Variants in STK32C observed in about 807,000 individuals in gnomAD.
STK32C encodes serine/threonine kinase 32C, also known as serine/threonine-protein kinase 32C.
In STK32C, 31 loss-of-function variants were observed where a neutral mutation model predicts 56.5. That is an observed-to-expected ratio of 0.55 (90% CI 0.41 to 0.74). The LOEUF is 0.74. Among genes scored for constraint, STK32C ranks in the 30% least tolerant of loss-of-function variants. STK32C has a pLI of 0.00. For missense variants in STK32C, 544 were observed against 676.9 expected, an observed-to-expected ratio of 0.80 and a Z score of 2.18; for synonymous variants, 309 against 289.4, an observed-to-expected ratio of 1.07 and a Z score of -0.69.
At chr10:132,319,618 A>T (rs1029831364), downstream of STK32C, among the ~76,000 whole-genome samples, 26 of 152,294 alleles carry the variant, frequency 1.7e-4, no homozygotes, top group Non-Finnish European at 2.8e-4. Flanking sequence ...TGTGCACCCC[A>T]TTGTCCAGGC....
chr10:132,271,495 C>T (rs909097740), intron 1 of STK32C, among the ~76,000 whole-genome samples: 1 of 152,184 alleles, frequency 6.6e-6, no homozygotes, highest in East Asian at 1.9e-4. Context: ...GCTGGCCCCA[C>T]ACCTGGCCTC....
intron 1 of STK32C, among the ~76,000 whole-genome samples, chr10:132,297,635 A>G (rs1054426333): frequency 1.3e-5 from 2 of 152,252 alleles, no homozygotes; most frequent in East Asian, 1.9e-4. Flanking sequence ...TCAGACACAC[A>G]AGATGACTGA....
At chr10:132,230,468 C>T (rs982532395) in intron 2 of STK32C, among the ~76,000 whole-genome samples, 3 of 152,234 alleles carry the variant, frequency 2.0e-5, no homozygotes, top group East Asian at 1.9e-4. Flanking sequence ...CCAGCACCCG[C>T]GGCCTCCTGC....
chr10:132,237,126 G>A (rs558148250), intron 2 of STK32C, among the ~76,000 whole-genome samples: 23 of 152,310 alleles, frequency 1.5e-4, no homozygotes, highest in African/African-American at 5.3e-4. Context: ...CCAGCTGGGT[G>A]GGCGGTTTCA....
intron 1 of STK32C, among the ~76,000 whole-genome samples, chr10:132,317,811 C>A (rs1298918578): frequency 6.6e-6 from 1 of 152,014 alleles, no homozygotes; most frequent in East Asian, 1.9e-4. Context: ...AACCCCGTCT[C>A]TGCTAAAAAT....
chr10:132,245,320 C>T (rs12267905), intron 2 of STK32C, among the ~76,000 whole-genome samples: 1 of 152,110 alleles, frequency 6.6e-6, no homozygotes, highest in Non-Finnish European at 1.5e-5. Flanking sequence ...CTAATTCCAA[C>T]CTTTTCCGAG....
Position 132,255,993 on chromosome 10 carries a change from C to T in STK32C, c.263-10038G>A, listed in dbSNP as rs1033631846. On this transcript the variant is annotated intron_variant, in intron 1 of 11. Coordinates refer to ENST00000298630, the MANE Select transcript of STK32C (RefSeq NM_173575.4). This position sits in a 1 kb window ranked among gnomAD's most constrained non-coding sequence, Gnocchi z 4.6. ...ACTCGCCCGGGTGGCTTGGCGGCTTCCCGGCATCCCTGGGCAGCTCCGGGA... is the reference window on the plus strand; with the variant it reads ...ACTCGCCCGGGTGGCTTGGCGGCTTTCCGGCATCCCTGGGCAGCTCCGGGA... Among the ~76,000 whole-genome samples the T allele has an allele frequency of 1.3e-5, 2 of 152,208 alleles. No homozygotes were observed. Among genetic ancestry groups the T allele is most frequent in the African/African-American group, 4.8e-5 (2 of 41,452 alleles).
chr10:132,324,177 T>A, exon 2 of STK32C: 1 of 772,310 alleles, frequency 1.3e-6, no homozygotes. Flanking sequence ...TGAGTCTCCC[T>A]GGGTACTGAG....
At chr10:132,283,834 C>A (rs949828229) in intron 1 of STK32C, among the ~76,000 whole-genome samples, 2 of 152,192 alleles carry the variant, frequency 1.3e-5, no homozygotes, top group Non-Finnish European at 2.9e-5. Context: ...CTTCTCCCCA[C>A]GCTCTGCTGG....
At chr10:132,246,063 A>C in intron 1 of STK32C, 108 bp from the exon 2 acceptor site, 5 of 1,117,506 alleles carry the variant, frequency 4.5e-6, no homozygotes, top group African/African-American at 1.5e-5. Context: ...AGGGCCCCTC[A>C]TCCTAGAAGA....
intron 1 of STK32C, among the ~76,000 whole-genome samples, chr10:132,260,822 C>T (rs756144672): frequency 9.9e-5 from 15 of 152,238 alleles, no homozygotes; most frequent in Non-Finnish European, 1.6e-4. Context: ...CGCCCAACAC[C>T]ACAGTGGCAC....
intron 3 of STK32C, among the ~76,000 whole-genome samples, chr10:132,227,424 G>A (rs974001584): frequency 1.3e-5 from 2 of 152,214 alleles, no homozygotes; most frequent in African/African-American, 4.8e-5. Context: ...GGCAGTGATG[G>A]TGGTGGTGGT....
intron 1 of STK32C, among the ~76,000 whole-genome samples, chr10:132,268,520 C>T (rs2064683240): frequency 2.4e-5 from 2 of 83,318 alleles, no homozygotes; most frequent in Admixed American, 1.6e-4. Flanking sequence ...TGCAGCTGTG[C>T]CTGTGTGCAT....
rs139717825 is a variant in STK32C, at chr10:132,300,818, G to C, written c.262+6754C>G. ...ACAAGGCGGCATCCCACTCAGGAGGGTGGCTGAGAAGACCAAGGTCTCGCC... is the reference window on the plus strand; with the variant it reads ...ACAAGGCGGCATCCCACTCAGGAGGCTGGCTGAGAAGACCAAGGTCTCGCC... On this transcript the variant is annotated intron_variant, in intron 1 of 11. Coordinates refer to ENST00000298630, the MANE Select transcript of STK32C (RefSeq NM_173575.4). 3.9e-3 allele frequency among the ~76,000 whole-genome samples: 593 copies of C among 152,324 alleles called. 13 individuals are homozygous for C. The highest frequency in any genetic ancestry group is 4.6e-3 in the East Asian group (24 of 5,162).
At chr10:132,225,363 G>A (rs1025235506) in intron 6 of STK32C, 27 bp from the exon 7 acceptor site, 3 of 1,596,480 alleles carry the variant, frequency 1.9e-6, no homozygotes, top group South Asian at 1.1e-5. Context: ...AGGAAAAACA[G>A]CTGCCACGGG....
At chr10:132,252,388 T>C (rs1182246240) in intron 1 of STK32C, among the ~76,000 whole-genome samples, 1 of 152,254 alleles carries the variant, frequency 6.6e-6, no homozygotes, top group Non-Finnish European at 1.5e-5. Flanking sequence ...CAAAGAAGTG[T>C]GGGCATGGGT....
intron 1 of STK32C, among the ~76,000 whole-genome samples, chr10:132,263,321 A>G (rs1267124952): frequency 6.6e-6 from 1 of 152,324 alleles, no homozygotes; most frequent in East Asian, 1.9e-4. Context: ...CCATAATCCT[A>G]AGCGACTTAA....
chr10:132,330,356 C>A (rs2138511117), intron 1 of STK32C: 2 of 684,658 alleles, frequency 2.9e-6, no homozygotes, highest in Non-Finnish European at 5.5e-6. Flanking sequence ...GAAATAGCAT[C>A]GTGCTGAAAT....
intron 1 of STK32C, among the ~76,000 whole-genome samples, chr10:132,281,860 C>A (rs1387972287): frequency 6.6e-6 from 1 of 152,190 alleles, no homozygotes; most frequent in Non-Finnish European, 1.5e-5. Context: ...GGGGCAACTT[C>A]TCTGACGATG....
Sources: gnomAD v4.1 joint callset for allele counts (sites outside exome capture counted in the v4.1 genomes callset) on GRCh38, gnomAD v4.1.1 for gene constraint, Gnocchi (gnomAD v3.1) non-coding constraint, MANE v1.5 for transcripts, NCBI Gene and HGNC (gene_info 2026-07-23, HGNC 2026-07-21) for gene names.